The following TMEM87B variants were observed in gnomAD, a reference collection of about 807,000 sequenced individuals.
TMEM87B encodes transmembrane protein 87B.
Under a neutral mutation model 80.3 loss-of-function variants are expected in TMEM87B, and 83 were observed. The ratio of observed to expected loss-of-function variants is 1.03; its 90% CI spans 0.87 to 1.24. The LOEUF (loss-of-function observed/expected upper bound fraction) is 1.24, where lower values mean the gene tolerates loss of function less well. Ranked by LOEUF, TMEM87B falls within the 50% of genes most tolerant of loss-of-function variation. The pLI is 0.00. For missense variants in TMEM87B, 625 were observed against 674.4 expected (o/e 0.93, Z 0.81); for synonymous variants, 219 against 230.5 (o/e 0.95, Z 0.45).
chr2:112,108,995 T>C (rs1332172332), intron 17 of TMEM87B, among the ~76,000 whole-genome samples: 1 of 152,198 alleles, frequency 6.6e-6, no homozygotes, highest in Non-Finnish European at 1.5e-5. Context: ...CCTTTTTGAT[T>C]TTAGCTCTTA....
At chr2:112,074,124 C>T (rs1678740201) in intron 4 of TMEM87B, among the ~76,000 whole-genome samples, 1 of 152,086 alleles carries the variant, frequency 6.6e-6, no homozygotes, top group African/African-American at 2.4e-5. Context: ...ATGTTGTTAG[C>T]TGGTTATTAC....
intron 4 of TMEM87B, among the ~76,000 whole-genome samples, chr2:112,073,264 A>AAGTGCTGTAAAATTCCCTGTAAAT (rs1678712612): frequency 6.6e-6 from 1 of 151,926 alleles, no homozygotes; most frequent in African/African-American, 2.4e-5. Flanking sequence ...CCCTCTTAAT[A>AAGTGCTGTAAAATTCCCTGTAAAT]TTGCCTTAGC....
In TMEM87B at chr2:112,055,662, CGCT is replaced by C; in HGVS notation, c.77_79del (p.Leu26del). The C allele has an allele frequency of 6.3e-7, 1 of 1,581,022 alleles. No homozygotes were observed. The highest frequency in any genetic ancestry group is 1.8e-5 in the Admixed American group (1 of 56,624). On this transcript the variant is annotated inframe_deletion, in exon 1 of 19. Coordinates refer to ENST00000283206, the MANE Select transcript of TMEM87B (RefSeq NM_032824.3). ...CGCCGCTGCTTTCCCGCCCGGGCCC[CGCT>C]GCTGCGCGTCGCCCTCTGCCTCCTG...
intron 2 of TMEM87B, among the ~76,000 whole-genome samples, chr2:112,060,857 A>G (rs1237837633): frequency 6.6e-6 from 1 of 152,144 alleles, no homozygotes; most frequent in Non-Finnish European, 1.5e-5. Context: ...GATTTTTCTG[A>G]TCTTCTTTCA....
At position 112,086,124 on chromosome 2, in the gene TMEM87B, A is replaced by G; in HGVS notation, c.938+20A>G. 3.1e-6 allele frequency: 5 copies of G among 1,597,560 alleles called. No homozygotes were observed. The highest frequency in any genetic ancestry group is 2.6e-6 in the Non-Finnish European group (3 of 1,165,934). ...TGTGAAGTAAGTACTGGCGTGTGGG[A>G]AAAATGCTGGGTCCCAGCCCAGTGA... is the stretch of plus-strand genomic sequence containing the variant. On this transcript the variant is annotated intron_variant, in intron 9 of 18. Coordinates refer to ENST00000283206, the MANE Select transcript of TMEM87B (RefSeq NM_032824.3).
intron 15 of TMEM87B, among the ~76,000 whole-genome samples, chr2:112,102,471 A>C (rs1182427846): frequency 6.6e-6 from 1 of 152,194 alleles, no homozygotes; most frequent in Non-Finnish European, 1.5e-5. Flanking sequence ...AGGCAGGCAG[A>C]TCACCTGAGG....
intron 3 of TMEM87B, among the ~76,000 whole-genome samples, chr2:112,066,616 A>G (rs1043253770): frequency 1.3e-5 from 2 of 152,226 alleles, no homozygotes; most frequent in African/African-American, 4.8e-5. Context: ...ATAAAATACA[A>G]GTAGCCCCAG....
At chr2:112,070,843 A>C (rs982309252) in intron 4 of TMEM87B, among the ~76,000 whole-genome samples, 1 of 147,034 alleles carries the variant, frequency 6.8e-6, no homozygotes, top group African/African-American at 2.5e-5. Flanking sequence ...TTTTTTTGAG[A>C]TGGAGTCTTG....
intron 4 of TMEM87B, among the ~76,000 whole-genome samples, 165 bp downstream of exon 4, chr2:112,067,232 TG>T (rs1678462482): frequency 6.6e-6 from 1 of 152,248 alleles, no homozygotes. Flanking sequence ...ACTGAAGTAC[TG>T]TTTTATCAGG....
At position 112,056,414 on chromosome 2, in the gene TMEM87B, A is replaced by G. The variant is rs181057367; in HGVS notation, c.165+658A>G. ...GTGCTTGAAAGGCGAATCTGGAGGC[A>G]TGAGTGGGTGGAAACTCTTCTTTCC... On this transcript the variant is annotated intron_variant, in intron 1 of 18. Coordinates refer to ENST00000283206, the MANE Select transcript of TMEM87B (RefSeq NM_032824.3). Among the ~76,000 whole-genome samples, 82 of 152,242 alleles carry G rather than the reference A, an allele frequency of 5.4e-4. No individual in the cohort carries two copies. In the East Asian group the frequency reaches 0.013, roughly 25 times the overall value.
chr2:112,077,729 A>G (rs1455626147), intron 6 of TMEM87B, among the ~76,000 whole-genome samples: 1 of 152,326 alleles, frequency 6.6e-6, no homozygotes, highest in South Asian at 2.1e-4. Flanking sequence ...GAAGCAGCAT[A>G]TCTGCCAGCA....
Position 112,055,422 on chromosome 2 carries a change from T to A in TMEM87B, c.-170T>A. On this transcript the variant is annotated 5_prime_UTR_variant, in exon 1 of 19. Transcript: ENST00000283206. ...CCCTGCCTCCCGGTCCTGGCCGGGTTTCCCAGAACTGCACGGCGCCTCTCC... is the reference window on the plus strand; with the variant it reads ...CCCTGCCTCCCGGTCCTGGCCGGGTATCCCAGAACTGCACGGCGCCTCTCC... The A allele has an allele frequency of 1.3e-6, 1 of 742,616 alleles. No individual in the cohort carries two copies. Among genetic ancestry groups the A allele is most frequent in the Non-Finnish European group, 2.0e-6 (1 of 498,840 alleles). The allele number at this position is 742,616 out of a possible 1,614,324, so 46.0% of individuals were successfully genotyped here. A position where few individuals can be genotyped will look rare whatever the true frequency, so the allele number is the denominator to read the frequency against.
In TMEM87B at chr2:112,081,126, T is replaced by C. The variant is rs1332676844; in HGVS notation, c.654+8T>C. The C allele has an allele frequency of 1.2e-6, 2 of 1,611,282 alleles. No individual in the cohort carries two copies. The highest frequency in any genetic ancestry group is 2.2e-5 in the East Asian group (1 of 44,856). The stretch of plus-strand genomic sequence containing the variant: ...GATTGGCCCCTAATGATTGTGAGTA[T>C]TTCTCATCATTTTTTCCTTTTTAAA... On this transcript the variant is annotated splice_region_variant and intron_variant, in intron 7 of 18. Coordinates refer to ENST00000283206, the MANE Select transcript of TMEM87B (RefSeq NM_032824.3).
intron 2 of TMEM87B, among the ~76,000 whole-genome samples, chr2:112,062,497 T>A (rs1294819392): frequency 6.6e-6 from 1 of 152,238 alleles, no homozygotes; most frequent in Non-Finnish European, 1.5e-5. Flanking sequence ...ATAAAAGGCA[T>A]CTATGAAAAA....
rs549905478 is a variant in TMEM87B at position 112,118,240 on chromosome 2, C to T, written c.*2097C>T. On this transcript the variant is annotated 3_prime_UTR_variant, in exon 19 of 19. Transcript: ENST00000283206. The stretch of plus-strand genomic sequence containing the variant: ...AGGGTCTTCTTAGGCCCCTTACATA[C>T]GCAAGAGGGGTGCTCTAGTGCCATA... The T allele has an allele frequency of 4.6e-5, 7 of 152,092 alleles. No homozygotes were observed. In the South Asian group the frequency reaches 6.2e-4, roughly 14 times the overall value. The allele number at this position is 152,092 out of a possible 1,614,324, so 9.4% of individuals were successfully genotyped here. A position where few individuals can be genotyped will look rare whatever the true frequency, so the allele number is the denominator to read the frequency against.
intron 4 of TMEM87B, among the ~76,000 whole-genome samples, chr2:112,071,046 T>C (rs182423465): frequency 0.013 from 1,989 of 151,702 alleles, 52 homozygotes; most frequent in African/African-American, 0.045. Context: ...AGGATGGTCT[T>C]GATCTCCTGA....
At chr2:112,077,804 C>A (rs1274513372) in intron 6 of TMEM87B, among the ~76,000 whole-genome samples, 2 of 152,246 alleles carry the variant, frequency 1.3e-5, no homozygotes, top group Non-Finnish European at 2.9e-5. Flanking sequence ...CCTTGTTAAG[C>A]TGTGGTTCCT....
chr2:112,068,560 C>T (rs775196301), intron 4 of TMEM87B, among the ~76,000 whole-genome samples: 9 of 151,416 alleles, frequency 5.9e-5, no homozygotes, highest in East Asian at 3.9e-4. Flanking sequence ...AAAAATTAGC[C>T]GAGCGTGGTG....
At chr2:112,083,729 C>T (rs1016873625) in intron 8 of TMEM87B, among the ~76,000 whole-genome samples, 6 of 152,132 alleles carry the variant, frequency 3.9e-5, no homozygotes, top group Non-Finnish European at 7.4e-5. Flanking sequence ...AATGGTGTCT[C>T]TCTCAGATTT....
Sources: allele counts gnomAD v4.1 joint callset (sites outside exome capture counted in the v4.1 genomes callset), GRCh38; gene constraint gnomAD v4.1.1; transcripts MANE v1.5; gene names NCBI Gene and HGNC (gene_info 2026-07-23, HGNC 2026-07-21).